IQSEC1: variants seen among roughly 807,000 people sequenced by gnomAD.
IQSEC1 encodes IQ motif and SEC7 domain-containing protein 1.
Under a neutral mutation model 91.0 loss-of-function variants are expected in IQSEC1, and 31 were observed. The ratio of observed to expected loss-of-function variants is 0.34; its 90% CI spans 0.26 to 0.46. IQSEC1 has a LOEUF of 0.46. IQSEC1 is among the 20% of genes least tolerant of loss of function. IQSEC1 has a pLI of 1.00. For synonymous variants in IQSEC1, 699 were observed against 662.6 expected, an observed-to-expected ratio of 1.05 and a Z score of -0.84; for missense variants, 1,388 against 1,575.6, an observed-to-expected ratio of 0.88 and a Z score of 2.02.
intron 1 of IQSEC1, among the ~76,000 whole-genome samples, chr3:13,068,139 C>T (rs1705296937): frequency 6.6e-6 from 1 of 152,262 alleles, no homozygotes; most frequent in South Asian, 2.1e-4. Flanking sequence ...CAGCAGGGTC[C>T]TGCCCCGGGG....
At chr3:12,915,875 C>T (rs1269342246) in intron 6 of IQSEC1, 142 bp from the exon 7 acceptor site, 2 of 940,414 alleles carry the variant, frequency 2.1e-6, no homozygotes, top group East Asian at 4.9e-5. Context: ...AGCAACAGGA[C>T]ATTTTCAGTC....
At chr3:12,929,721 C>A (rs1008929272) in intron 3 of IQSEC1, among the ~76,000 whole-genome samples, 2 of 152,156 alleles carry the variant, frequency 1.3e-5, no homozygotes, top group East Asian at 1.9e-4. Flanking sequence ...TTGATTCCAC[C>A]CTGTAAGGAC....
intron 1 of IQSEC1, among the ~76,000 whole-genome samples, chr3:13,218,901 G>A (rs1030679924): frequency 5.9e-5 from 9 of 152,120 alleles, no homozygotes; most frequent in Admixed American, 1.3e-4. Flanking sequence ...GCTTCTACAC[G>A]TCCTCAAACT....
chr3:12,947,833 C>T (rs1203278330), intron 1 of IQSEC1, among the ~76,000 whole-genome samples: 1 of 152,244 alleles, frequency 6.6e-6, no homozygotes, highest in Admixed American at 6.5e-5. Context: ...AGCTCTTCCC[C>T]CTTCTCCAGT....
chr3:12,900,712 C>T lies in IQSEC1; in HGVS notation c.*271G>A, dbSNP rs1441459305. 2 of 1,386,042 alleles carry T rather than the reference C, an allele frequency of 1.4e-6. No homozygotes were observed. The highest frequency in any genetic ancestry group is 1.6e-5 in the South Asian group (1 of 64,290). The allele number at this position is 1,386,042 out of a possible 1,614,324, so 85.9% of individuals were successfully genotyped here. ...GCAGTTCAACACTACTTGGCTGGCT[C>T]ACCGTTTCAAGGCTGATGGTGTCTG... is the stretch of plus-strand genomic sequence containing the variant. On this transcript the variant is annotated 3_prime_UTR_variant, in exon 14 of 14. Coordinates refer to ENST00000613206, the MANE Select transcript of IQSEC1 (RefSeq NM_001134382.3).
chr3:13,274,842 T>G (rs1695649276), intron 1 of IQSEC1, among the ~76,000 whole-genome samples: 2 of 152,196 alleles, frequency 1.3e-5, no homozygotes, highest in Non-Finnish European at 2.9e-5. Flanking sequence ...GAGAAGGAAC[T>G]TGGGCTGTCT....
At chr3:13,081,637 C>T (rs1407484397) in intron 2 of IQSEC1, among the ~76,000 whole-genome samples, 2 of 152,180 alleles carry the variant, frequency 1.3e-5, no homozygotes, top group African/African-American at 4.8e-5. Flanking sequence ...AAATATATTA[C>T]TACAAAAATT....
chr3:13,157,401 G>A (rs1284893117), intron 2 of IQSEC1, among the ~76,000 whole-genome samples: 2 of 152,096 alleles, frequency 1.3e-5, no homozygotes, highest in Non-Finnish European at 2.9e-5. Context: ...TCTACTTCCC[G>A]TGTAAAGAAA....
intron 2 of IQSEC1, among the ~76,000 whole-genome samples, chr3:13,137,575 C>T (rs1048140521): frequency 2.6e-5 from 4 of 152,198 alleles, no homozygotes; most frequent in Admixed American, 2.6e-4. Context: ...TAGAAGAAGT[C>T]GCAAACACAC....
rs1317187124 is a variant in IQSEC1, at chr3:13,183,149, G to A, written c.273-19016C>T. On this transcript the variant is annotated intron_variant, in intron 1 of 15. Coordinates refer to the IQSEC1 transcript ENST00000648114. ...ACCACACTCCAGCCTGGGTGACAGA[G>A]CAAGACTCTGTCCCCACCAATAAAT... Among the ~76,000 whole-genome samples the A allele has an allele frequency of 2.6e-5, 4 of 151,782 alleles. No individual in the cohort carries two copies. The East Asian group carries it at 7.7e-4, about 29-fold the overall frequency.
chr3:13,166,972 C>T (rs1245033340), intron 1 of IQSEC1, among the ~76,000 whole-genome samples: 3 of 152,198 alleles, frequency 2.0e-5, no homozygotes, highest in African/African-American at 4.8e-5. Flanking sequence ...GGGAGAAAAG[C>T]GAGAGGGGCT....
At chr3:12,925,420 C>A (rs1414203238) in intron 3 of IQSEC1, among the ~76,000 whole-genome samples, 1 of 152,208 alleles carries the variant, frequency 6.6e-6, no homozygotes, top group Non-Finnish European at 1.5e-5. Flanking sequence ...GACTCGGGAG[C>A]CCAACAGCCA....
chr3:13,023,891 G>A (rs926209244), intron 1 of IQSEC1, among the ~76,000 whole-genome samples: 11 of 152,206 alleles, frequency 7.2e-5, no homozygotes, highest in East Asian at 1.9e-4. Flanking sequence ...AGCATGCAGC[G>A]GGAGTGGCTG....
intron 1 of IQSEC1, among the ~76,000 whole-genome samples, chr3:13,174,566 C>T (rs1289097886): frequency 6.6e-6 from 1 of 152,092 alleles, no homozygotes; most frequent in Non-Finnish European, 1.5e-5. Flanking sequence ...CTGCTGTCAG[C>T]CCCCAGAAGG....
At chr3:13,126,301 T>C (rs1447509128) in intron 2 of IQSEC1, among the ~76,000 whole-genome samples, 1 of 152,248 alleles carries the variant, frequency 6.6e-6, no homozygotes, top group Non-Finnish European at 1.5e-5. Context: ...CTGGCTTCTT[T>C]CACTTGGTTA....
At chr3:13,173,066 GT>G (rs531626991) in intron 1 of IQSEC1, among the ~76,000 whole-genome samples, 1 of 152,320 alleles carries the variant, frequency 6.6e-6, no homozygotes, top group South Asian at 2.1e-4. Flanking sequence ...ACCAGCTGAC[GT>G]TTTGAGTTTT....
chr3:12,948,797 C>T (rs1699349806), intron 1 of IQSEC1, among the ~76,000 whole-genome samples: 1 of 152,224 alleles, frequency 6.6e-6, no homozygotes, highest in African/African-American at 2.4e-5. Context: ...TCTCAATACC[C>T]TGCAGGCACG....
At chr3:13,045,293 G>A (rs541896840) in intron 1 of IQSEC1, among the ~76,000 whole-genome samples, 3 of 152,244 alleles carry the variant, frequency 2.0e-5, no homozygotes, top group East Asian at 1.9e-4. Flanking sequence ...CACTTGACAC[G>A]TTATGTTAAA....
At chr3:13,113,594 A>C (rs918859874) in intron 2 of IQSEC1, among the ~76,000 whole-genome samples, 1 of 152,082 alleles carries the variant, frequency 6.6e-6, no homozygotes, top group Admixed American at 6.5e-5. Flanking sequence ...CGGAGAGAAG[A>C]CGAGGCCTCC....
Sources: allele counts gnomAD v4.1 joint callset (sites outside exome capture counted in the v4.1 genomes callset), GRCh38; gene constraint gnomAD v4.1.1; transcripts MANE v1.5; gene names NCBI Gene and HGNC (gene_info 2026-07-23, HGNC 2026-07-21).